The following ANKS1B variants were observed in gnomAD, a reference collection of about 807,000 sequenced individuals.
ANKS1B encodes ankyrin repeat and sterile alpha motif domain-containing protein 1B.
A neutral mutation model predicts 148.3 loss-of-function variants in ANKS1B; 36 were observed. The ratio of observed to expected loss-of-function variants is 0.24; its 90% CI spans 0.19 to 0.32. ANKS1B has a LOEUF of 0.32. Ranked by LOEUF, ANKS1B falls within the 10% of genes least tolerant of loss-of-function variation. The pLI, the probability that ANKS1B is intolerant of heterozygous loss-of-function variation, is 1.00. For missense variants in ANKS1B, 1,157 were observed against 1,542.6 expected (o/e 0.75, Z 4.19); for synonymous variants, 542 against 560.8 (o/e 0.97, Z 0.47).
At chr12:99,378,196 A>G (rs766100370) in intron 12 of ANKS1B, among the ~76,000 whole-genome samples, 5 of 152,212 alleles carry the variant, frequency 3.3e-5, no homozygotes, top group Non-Finnish European at 7.3e-5. Flanking sequence ...GTTTCTAAGT[A>G]TCTAAGGAAG....
At chr12:99,928,532 C>T (rs954081022) in intron 1 of ANKS1B, among the ~76,000 whole-genome samples, 25 of 152,068 alleles carry the variant, frequency 1.6e-4, no homozygotes, top group African/African-American at 4.8e-5. Flanking sequence ...CCCGCCTCGG[C>T]CTCCCAAAGT....
rs1002701225 is a variant in ANKS1B, at chr12:99,984,901, G to A, written c.-664C>T. ...GGGGGGCGTGTGCGCGCGGGCAGGT[G>A]CGGCCCCTGGTGCGGCCCGAGTTGG... On this transcript the variant is annotated 5_prime_UTR_variant, in exon 1 of 27. Transcript: ENST00000683438. 1.3e-5 allele frequency among the ~76,000 whole-genome samples: 2 copies of A among 149,602 alleles called. No individual in the cohort carries two copies. The highest frequency in any genetic ancestry group is 2.4e-5 in the African/African-American group (1 of 41,158).
intron 9 of ANKS1B, among the ~76,000 whole-genome samples, chr12:99,537,242 C>G (rs1314912984): frequency 6.6e-6 from 1 of 152,090 alleles, no homozygotes; most frequent in Non-Finnish European, 1.5e-5. Flanking sequence ...GATATCTCTT[C>G]AACATACTGA....
At chr12:99,657,810 T>G (rs995970184) in intron 8 of ANKS1B, among the ~76,000 whole-genome samples, 4 of 148,802 alleles carry the variant, frequency 2.7e-5, no homozygotes, top group African/African-American at 1.0e-4. Flanking sequence ...CATTTTAGAT[T>G]AATCCATTCT....
chr12:99,658,900 G>T (rs1316331025), intron 8 of ANKS1B, among the ~76,000 whole-genome samples: 1 of 152,172 alleles, frequency 6.6e-6, no homozygotes, highest in Admixed American at 6.5e-5. Context: ...TTATTTGAAA[G>T]AAAACATTGC....
intron 12 of ANKS1B, among the ~76,000 whole-genome samples, chr12:99,357,762 G>C (rs2092138911): frequency 6.6e-6 from 1 of 152,012 alleles, no homozygotes; most frequent in African/African-American, 2.4e-5. Context: ...ATTACTAGTT[G>C]AAAGAGTATA....
At chr12:98,886,588 T>C (rs1166360360) in intron 17 of ANKS1B, among the ~76,000 whole-genome samples, 4 of 152,226 alleles carry the variant, frequency 2.6e-5, no homozygotes, top group Admixed American at 2.6e-4. Context: ...TATGATACAG[T>C]ATCTGATCTA....
Position 99,387,344 on chromosome 12 carries a change from G to A in ANKS1B, c.1756+12287C>T, listed in dbSNP as rs370105693. On this transcript the variant is annotated intron_variant, in intron 12 of 26. Transcript: ENST00000683438. ...CCTTATTAAAGAAGCCTGGCCGGGC[G>A]CGGTGGCTCACGCCTGTAATCCCAG... 7.0e-4 allele frequency among the ~76,000 whole-genome samples: 107 copies of A among 152,280 alleles called. 1 individual carries two copies. The South Asian group carries it at 0.014, about 20-fold the overall frequency.
At chr12:98,966,949 A>T (rs1359770981) in intron 17 of ANKS1B, among the ~76,000 whole-genome samples, 3 of 152,052 alleles carry the variant, frequency 2.0e-5, no homozygotes, top group Admixed American at 6.5e-5. Context: ...AATGACGAGT[A>T]AATGGGTGTA....
intron 8 of ANKS1B, among the ~76,000 whole-genome samples, chr12:99,756,553 C>T (rs903383157): frequency 6.6e-6 from 1 of 151,918 alleles, no homozygotes; most frequent in Non-Finnish European, 1.5e-5. Context: ...CATTGAGACT[C>T]TTCAAGAACT....
chr12:99,952,368 A>G (rs558949802), intron 1 of ANKS1B, among the ~76,000 whole-genome samples: 9 of 152,078 alleles, frequency 5.9e-5, no homozygotes, highest in Middle Eastern at 3.2e-3. Context: ...GATTTCTTCA[A>G]TGTTATCCTG....
At chr12:98,773,496 T>C (rs574214008) in intron 24 of ANKS1B, among the ~76,000 whole-genome samples, 1 of 152,274 alleles carries the variant, frequency 6.6e-6, no homozygotes, top group East Asian at 1.9e-4. Context: ...ACTCTGTTGC[T>C]CAGGCTGAAG....
At position 99,919,779 on chromosome 12, in the gene ANKS1B, T is replaced by TA. The variant is rs61076587; in HGVS notation, c.134+64324dup. Among the ~76,000 whole-genome samples the TA allele has an allele frequency of 2.5e-3, 334 of 134,476 alleles. 2 individuals carry two copies. Among genetic ancestry groups the TA allele is most frequent in the South Asian group, 9.0e-3 (38 of 4,206 alleles). 88.2% of individuals were successfully genotyped at this position (134,476 alleles called of 152,430 possible). On this transcript the variant is annotated intron_variant, in intron 1 of 26. Coordinates refer to ENST00000683438, the MANE Select transcript of ANKS1B (RefSeq NM_001352186.2). Reference sequence around the variant, plus strand: ...CCCAAATTGAAATGTGCTGCAGAGTTAAAAAAAAAAAAAAACCTGGATTTC... The same window carrying TA: ...CCCAAATTGAAATGTGCTGCAGAGTTAAAAAAAAAAAAAAAACCTGGATTTC...
At position 99,334,789 on chromosome 12, in the gene ANKS1B, C is replaced by T. The variant is rs77102433; in HGVS notation, c.1756+64842G>A. On this transcript the variant is annotated intron_variant, in intron 12 of 26. Transcript: ENST00000683438. Reference sequence around the variant, plus strand: ...AAAGCATAAATTTTTTCTTCCTTTACGTATGGAGTAAGGCAAGGTGTCCCA... The same window carrying T: ...AAAGCATAAATTTTTTCTTCCTTTATGTATGGAGTAAGGCAAGGTGTCCCA... Among the ~76,000 whole-genome samples, 1,169 of 152,118 alleles carry T rather than the reference C, an allele frequency of 7.7e-3. 11 individuals are homozygous for T. Among genetic ancestry groups the T allele is most frequent in the African/African-American group, 0.026 (1,077 of 41,542 alleles).
At chr12:99,253,041 T>C (rs2074816971) in intron 12 of ANKS1B, among the ~76,000 whole-genome samples, 5 of 152,066 alleles carry the variant, frequency 3.3e-5, no homozygotes, top group Admixed American at 2.6e-4. Context: ...CTGGGCAACA[T>C]AGCAAGACCT....
At chr12:99,869,739 G>A (rs1310982257) in intron 1 of ANKS1B, among the ~76,000 whole-genome samples, 3 of 149,532 alleles carry the variant, frequency 2.0e-5, no homozygotes, top group Non-Finnish European at 3.0e-5. Flanking sequence ...TTTTCAACAA[G>A]TGGTGCTGGT....
intron 17 of ANKS1B, among the ~76,000 whole-genome samples, chr12:98,847,568 G>A (rs189895891): frequency 4.0e-5 from 6 of 149,990 alleles, no homozygotes; most frequent in Non-Finnish European, 4.4e-5. Flanking sequence ...CAATGAACAC[G>A]GGAGTGCAGG....
intron 17 of ANKS1B, among the ~76,000 whole-genome samples, chr12:98,936,308 C>T (rs1597221419): frequency 6.6e-6 from 1 of 152,332 alleles, no homozygotes; most frequent in East Asian, 1.9e-4. Context: ...AATGCTGTCT[C>T]CATACTGCCA....
At chr12:99,429,688 G>A (rs1432044786) in intron 11 of ANKS1B, among the ~76,000 whole-genome samples, 1 of 152,230 alleles carries the variant, frequency 6.6e-6, no homozygotes, top group African/African-American at 2.4e-5. Context: ...ATGGGGCCGG[G>A]CGCGGTGGCT....
Sources: allele counts gnomAD v4.1 joint callset (sites outside exome capture counted in the v4.1 genomes callset), GRCh38; gene constraint gnomAD v4.1.1; transcripts MANE v1.5; gene names NCBI Gene and HGNC (gene_info 2026-07-23, HGNC 2026-07-21).